The following TRAPPC9 variants were observed in gnomAD, a reference collection of about 807,000 sequenced individuals.
TRAPPC9 encodes IKK2 binding protein.
TRAPPC9 carries 83 observed loss-of-function variants against 124.0 expected under a neutral mutation model. The observed-to-expected ratio is 0.67, with a 90% CI of 0.56 to 0.80. The LOEUF is 0.80. Among genes scored for constraint, TRAPPC9 ranks in the 30% least tolerant of loss-of-function variants. TRAPPC9 has a pLI of 0.00. For synonymous variants in TRAPPC9, 638 were observed against 617.5 expected (o/e 1.03, Z -0.49); for missense variants, 1,302 against 1,508.3 (o/e 0.86, Z 2.27).
At chr8:139,914,555 C>T (rs961962445) in intron 19 of TRAPPC9, among the ~76,000 whole-genome samples, 4 of 152,108 alleles carry the variant, frequency 2.6e-5, no homozygotes, top group African/African-American at 4.8e-5. Flanking sequence ...GACTTTGGGG[C>T]GAGGCCTGAC....
At chr8:140,140,999 T>C (rs1397266485) in intron 17 of TRAPPC9, among the ~76,000 whole-genome samples, 2 of 152,212 alleles carry the variant, frequency 1.3e-5, no homozygotes, top group East Asian at 1.9e-4. Context: ...GCACTTCTAC[T>C]GTCTTTTTAT....
chr8:140,085,083 G>T (rs1844098817), intron 17 of TRAPPC9, among the ~76,000 whole-genome samples: 1 of 152,132 alleles, frequency 6.6e-6, no homozygotes, highest in African/African-American at 2.4e-5. Context: ...GGGGTGCAGG[G>T]AGAGCACACT....
At chr8:140,361,791 G>A (rs1473476356) in intron 8 of TRAPPC9, among the ~76,000 whole-genome samples, 3 of 152,078 alleles carry the variant, frequency 2.0e-5, no homozygotes, top group Admixed American at 6.5e-5. Context: ...AAGACTGTGC[G>A]TTACTTACTA....
At chr8:140,161,312 C>T (rs1208031766) in intron 17 of TRAPPC9, among the ~76,000 whole-genome samples, 1 of 152,196 alleles carries the variant, frequency 6.6e-6, no homozygotes, top group Admixed American at 6.5e-5. Context: ...CCGGATGACG[C>T]AGCTAGCGTG....
intron 21 of TRAPPC9, among the ~76,000 whole-genome samples, chr8:139,789,348 G>T (rs930056159): frequency 1.3e-5 from 2 of 152,206 alleles, no homozygotes; most frequent in South Asian, 4.1e-4. Flanking sequence ...CCTCAGGCCT[G>T]CTGGGAGCCA....
intron 21 of TRAPPC9, among the ~76,000 whole-genome samples, chr8:139,824,594 T>C (rs1825492278): frequency 6.6e-6 from 1 of 152,228 alleles, no homozygotes. Context: ...AGATTCTCGC[T>C]CTTTCACCCA....
intron 17 of TRAPPC9, among the ~76,000 whole-genome samples, chr8:140,143,289 T>G (rs1172822834): frequency 6.6e-6 from 1 of 152,260 alleles, no homozygotes; most frequent in Non-Finnish European, 1.5e-5. Context: ...GCATGATCTG[T>G]GCCCTGCTCA....
intron 20 of TRAPPC9, among the ~76,000 whole-genome samples, chr8:139,897,615 C>T (rs1205466498): frequency 1.3e-5 from 2 of 152,192 alleles, no homozygotes; most frequent in East Asian, 3.9e-4. Context: ...CCCACATAGT[C>T]CTCACAACAA....
At chr8:140,028,786 T>C (rs950990366) in intron 17 of TRAPPC9, among the ~76,000 whole-genome samples, 2 of 152,152 alleles carry the variant, frequency 1.3e-5, no homozygotes, top group East Asian at 1.9e-4. Context: ...ATAAGTGTAT[T>C]AGAATATATG....
At chr8:140,333,851 G>A (rs2066962708) in intron 9 of TRAPPC9, among the ~76,000 whole-genome samples, 1 of 152,194 alleles carries the variant, frequency 6.6e-6, no homozygotes, top group East Asian at 1.9e-4. Context: ...CACAAAGGTG[G>A]AAGTTTAAAG....
At chr8:140,076,618 A>C (rs1269456474) in intron 17 of TRAPPC9, among the ~76,000 whole-genome samples, 1 of 152,154 alleles carries the variant, frequency 6.6e-6, no homozygotes. Flanking sequence ...CAGAGATGAC[A>C]ACACCCGATT....
At chr8:140,163,746 G>A (rs762454904) in intron 17 of TRAPPC9, among the ~76,000 whole-genome samples, 88 of 152,156 alleles carry the variant, frequency 5.8e-4, no homozygotes, top group Non-Finnish European at 1.1e-3. Context: ...GGGAGATAAG[G>A]GGGAGGGGAG....
chr8:140,088,062 A>G (rs1007204747), intron 17 of TRAPPC9, among the ~76,000 whole-genome samples: 1 of 151,932 alleles, frequency 6.6e-6, no homozygotes. Context: ...CCTCCTCAAG[A>G]GATGCTCCTT....
intron 21 of TRAPPC9, among the ~76,000 whole-genome samples, chr8:139,770,797 G>A (rs1820904128): frequency 6.6e-6 from 1 of 152,232 alleles, no homozygotes. Flanking sequence ...CTGGACCCCA[G>A]CAGGCAGGAG....
intron 21 of TRAPPC9, among the ~76,000 whole-genome samples, chr8:139,752,387 A>G (rs756623899): frequency 9.1e-5 from 11 of 120,418 alleles, no homozygotes; most frequent in Admixed American, 1.6e-4. Flanking sequence ...CACCATCCAC[A>G]ATTGAACCAT....
intron 21 of TRAPPC9, among the ~76,000 whole-genome samples, chr8:139,815,445 T>C (rs1824764048): frequency 6.6e-6 from 1 of 151,402 alleles, no homozygotes; most frequent in Non-Finnish European, 1.5e-5. Context: ...TGGAGTGCAG[T>C]GGTGTGATCT....
At chr8:140,204,291 C>T (rs1202045810) in intron 17 of TRAPPC9, among the ~76,000 whole-genome samples, 3 of 151,822 alleles carry the variant, frequency 2.0e-5, no homozygotes, top group Admixed American at 6.6e-5. Flanking sequence ...TACTATGCAG[C>T]CATAAAAAAG....
chr8:139,935,920 T>C (rs144906133), intron 19 of TRAPPC9, among the ~76,000 whole-genome samples: 39 of 152,328 alleles, frequency 2.6e-4, no homozygotes, highest in African/African-American at 8.7e-4. Flanking sequence ...GGGATGGAGC[T>C]GGAAATGCAG....
chr8:140,286,244 AG>A (rs2065480085), intron 13 of TRAPPC9, among the ~76,000 whole-genome samples: 1 of 152,122 alleles, frequency 6.6e-6, no homozygotes, highest in Non-Finnish European at 1.5e-5. Flanking sequence ...CTGAAGTAGG[AG>A]GGGAGAGGCA....
Sources: allele counts gnomAD v4.1 joint callset (sites outside exome capture counted in the v4.1 genomes callset), GRCh38; gene constraint gnomAD v4.1.1; transcripts MANE v1.5; gene names NCBI Gene and HGNC (gene_info 2026-07-23, HGNC 2026-07-21).